Variants in TULP4 observed in about 807,000 individuals in gnomAD.
TULP4 encodes TUB like protein 4, also known as tubby-related protein 4.
Under a neutral mutation model 129.0 loss-of-function variants are expected in TULP4, and 16 were observed. That is an observed-to-expected ratio of 0.12 (90% CI 0.08 to 0.19). The LOEUF is 0.19. Among genes scored for constraint, TULP4 ranks in the 10% least tolerant of loss-of-function variants. The pLI is 1.00. For synonymous variants in TULP4, 998 were observed against 854.0 expected (o/e 1.17, Z -2.94); for missense variants, 1,842 against 2,059.1 (o/e 0.89, Z 2.04).
intron 1 of TULP4, among the ~76,000 whole-genome samples, chr6:158,380,321 G>A (rs189656952): frequency 5.9e-5 from 9 of 152,280 alleles, no homozygotes; most frequent in East Asian, 5.8e-4. Context: ...TGGCAATAAC[G>A]TATTATGCTG....
At chr6:158,370,594 A>G (rs863784) in intron 1 of TULP4, among the ~76,000 whole-genome samples, 102,446 of 152,002 alleles carry the variant, frequency 0.67, 35,061 homozygotes, top group Middle Eastern at 0.74. Flanking sequence ...GAGTGGACTT[A>G]TTCAAACATA....
intron 1 of TULP4, among the ~76,000 whole-genome samples, chr6:158,271,357 G>A (rs904009526): frequency 1.1e-4 from 16 of 151,990 alleles, no homozygotes; most frequent in African/African-American, 3.4e-4. Flanking sequence ...TTGATGAGGA[G>A]GAAGGGCAAG....
upstream of TULP4, chr6:158,312,425 G>A (rs1485713999): frequency 7.4e-6 from 2 of 269,868 alleles, no homozygotes; most frequent in African/African-American, 4.4e-5. Flanking sequence ...TTTAAAGAAG[G>A]AACTAAGTGA....
intron 2 of TULP4, among the ~76,000 whole-genome samples, chr6:158,423,701 C>T (rs1778407685): frequency 1.3e-5 from 2 of 152,118 alleles, no homozygotes; most frequent in African/African-American, 2.4e-5. Flanking sequence ...AGTGCAGTGG[C>T]GCAATCTTGA....
At chr6:158,481,436 C>G (rs10499309) in intron 8 of TULP4, 147 bp downstream of exon 8, 101,929 of 721,790 alleles carry the variant, frequency 0.14, 7,993 homozygotes, top group South Asian at 0.17. Flanking sequence ...TACGACATTT[C>G]CAGAATCCCA....
intron 3 of TULP4, among the ~76,000 whole-genome samples, chr6:158,440,436 G>T (rs1157296295): frequency 2.0e-5 from 3 of 152,104 alleles, no homozygotes; most frequent in Non-Finnish European, 2.9e-5. Flanking sequence ...AGGTTAAAGG[G>T]CTGGTAAGAG....
chr6:158,365,833 G>T (rs1780933038), intron 1 of TULP4, among the ~76,000 whole-genome samples: 1 of 148,878 alleles, frequency 6.7e-6, no homozygotes, highest in African/African-American at 2.5e-5. Flanking sequence ...ATTTTGTCAG[G>T]AGAAAATTTA....
intron 2 of TULP4, among the ~76,000 whole-genome samples, chr6:158,424,577 G>A (rs1778430975): frequency 6.6e-6 from 1 of 152,098 alleles, no homozygotes; most frequent in South Asian, 2.1e-4. Flanking sequence ...ATCATTTCTA[G>A]ATTACTTATA....
chr6:158,308,589 T>C (rs62437364), upstream of TULP4, among the ~76,000 whole-genome samples: 273 of 135,172 alleles, frequency 2.0e-3, 2 homozygotes, highest in African/African-American at 6.6e-3. Context: ...CGGGCAGAGG[T>C]GCCCCTCACC....
At position 158,511,040 on chromosome 6, in the gene TULP4, C is replaced by G. The variant is rs1045916469; in HGVS notation, c.*4346C>G. ...TAGCACACAACTCAGAACTCTTCAG[C>G]ATTTGTGTGATTCCTTACCTCTGGC... On this transcript the variant is annotated 3_prime_UTR_variant, in exon 14 of 14. Transcript: ENST00000367097. 2 of 152,600 alleles carry G rather than the reference C, an allele frequency of 1.3e-5. No individual in the cohort carries two copies. The highest frequency in any genetic ancestry group is 4.8e-5 in the African/African-American group (2 of 41,436). 9.5% of individuals were successfully genotyped at this position (152,600 alleles called of 1,614,324 possible).
upstream of TULP4, among the ~76,000 whole-genome samples, chr6:158,309,779 C>T (rs1173704171): frequency 1.3e-5 from 2 of 151,022 alleles, no homozygotes; most frequent in Non-Finnish European, 3.0e-5. Context: ...ATCGCAGGCA[C>T]TCGGCAGGCC....
At chr6:158,439,165 C>T (rs947421711) in intron 3 of TULP4, among the ~76,000 whole-genome samples, 29 of 111,472 alleles carry the variant, frequency 2.6e-4, no homozygotes, top group African/African-American at 1.3e-3. Context: ...AGCAAGACTC[C>T]GTCTCAAAAA....
At chr6:158,426,089 T>C (rs1778484649) in intron 2 of TULP4, among the ~76,000 whole-genome samples, 1 of 152,218 alleles carries the variant, frequency 6.6e-6, no homozygotes, top group East Asian at 1.9e-4. Context: ...TTCTTGTAAA[T>C]TCGTTTAAGT....
intron 5 of TULP4, among the ~76,000 whole-genome samples, chr6:158,453,964 G>A (rs1779226902): frequency 7.0e-6 from 1 of 143,048 alleles, no homozygotes; most frequent in African/African-American, 2.7e-5. Context: ...AAAAAAAAAA[G>A]AATCAAGTCT....
At chr6:158,505,659 ACTGT>A (rs1301687070) in intron 13 of TULP4, among the ~76,000 whole-genome samples, 1 of 152,192 alleles carries the variant, frequency 6.6e-6, no homozygotes, top group Non-Finnish European at 1.5e-5. Flanking sequence ...GCATGGCGTC[ACTGT>A]CTGATGGGAT....
intron 1 of TULP4, among the ~76,000 whole-genome samples, chr6:158,321,943 C>G (rs1042379823): frequency 6.6e-6 from 1 of 152,054 alleles, no homozygotes; most frequent in African/African-American, 2.4e-5. Context: ...AATGGTCTCC[C>G]TTGCAGTTGA....
intron 1 of TULP4, among the ~76,000 whole-genome samples, chr6:158,358,698 G>GT (rs1780701973): frequency 6.6e-6 from 1 of 152,218 alleles, no homozygotes; most frequent in South Asian, 2.1e-4. Flanking sequence ...AGACATGCTT[G>GT]TAAGGCAGTA....
intron 9 of TULP4, among the ~76,000 whole-genome samples, chr6:158,492,751 G>A (rs1338714439): frequency 6.6e-6 from 1 of 152,050 alleles, no homozygotes; most frequent in African/African-American, 2.4e-5. Flanking sequence ...CTCAAAACCA[G>A]TATATATGAG....
At chr6:158,391,991 C>A (rs755441803) in intron 1 of TULP4, among the ~76,000 whole-genome samples, 3 of 152,128 alleles carry the variant, frequency 2.0e-5, no homozygotes, top group Non-Finnish European at 2.9e-5. Context: ...CATTTTCACG[C>A]TGTTAAATGA....
Sources: gnomAD v4.1 joint callset for allele counts (sites outside exome capture counted in the v4.1 genomes callset) on GRCh38, gnomAD v4.1.1 for gene constraint, MANE v1.5 for transcripts, NCBI Gene and HGNC (gene_info 2026-07-23, HGNC 2026-07-21) for gene names.